The following EPHA3 variants were observed in gnomAD, a reference collection of about 807,000 sequenced individuals.
EPHA3 encodes EPH receptor A3, also known as ephrin type-A receptor 3.
A neutral mutation model predicts 107.1 loss-of-function variants in EPHA3; 42 were observed. That is an observed-to-expected ratio of 0.39 (90% CI 0.31 to 0.51). EPHA3 has a LOEUF of 0.51. EPHA3 is among the 20% of genes least tolerant of loss of function. EPHA3 has a pLI of 0.78. For missense variants in EPHA3, 1,183 were observed against 1,211.2 expected (o/e 0.98, Z 0.35); for synonymous variants, 461 against 424.8 (o/e 1.09, Z -1.05).
chr3:89,407,792 A>T (rs1350485947), intron 8 of EPHA3, among the ~76,000 whole-genome samples: 3 of 152,100 alleles, frequency 2.0e-5, no homozygotes, highest in African/African-American at 4.8e-5. Flanking sequence ...AAAAAATACT[A>T]TAAACACATT....
intron 3 of EPHA3, among the ~76,000 whole-genome samples, chr3:89,242,666 T>C (rs1300729333): frequency 2.0e-5 from 3 of 152,116 alleles, no homozygotes; most frequent in Non-Finnish European, 2.9e-5. Flanking sequence ...CTCGATCTCC[T>C]GACCTTGTGA....
chr3:89,450,804 G>A (rs979364002), intron 15 of EPHA3, among the ~76,000 whole-genome samples: 2 of 152,114 alleles, frequency 1.3e-5, no homozygotes, highest in African/African-American at 4.8e-5. Context: ...CTACTCGGGA[G>A]GCTGAGGCAG....
chr3:89,316,388 T>C (rs1706899539), intron 3 of EPHA3, among the ~76,000 whole-genome samples: 1 of 151,064 alleles, frequency 6.6e-6, no homozygotes, highest in African/African-American at 2.4e-5. Flanking sequence ...CACTGCGCAT[T>C]AGTTTCTATC....
chr3:89,444,930 G>C (rs1396108031), intron 13 of EPHA3, among the ~76,000 whole-genome samples: 1 of 152,018 alleles, frequency 6.6e-6, no homozygotes, highest in Non-Finnish European at 1.5e-5. Flanking sequence ...TAATGAAAAG[G>C]CTAAATGTTT....
intron 2 of EPHA3, among the ~76,000 whole-genome samples, chr3:89,133,554 T>G (rs988764334): frequency 2.6e-5 from 4 of 152,284 alleles, no homozygotes; most frequent in Middle Eastern, 3.4e-3. Context: ...CAAAAGGTTC[T>G]GGAGATGCTT....
intron 2 of EPHA3, among the ~76,000 whole-genome samples, chr3:89,191,432 G>A (rs1162482803): frequency 1.3e-5 from 2 of 151,516 alleles, no homozygotes; most frequent in African/African-American, 2.4e-5. Flanking sequence ...TCAGCCTCCC[G>A]AGTAGCTGGG....
chr3:89,166,111 C>G (rs1453414754), intron 2 of EPHA3, among the ~76,000 whole-genome samples: 1 of 152,192 alleles, frequency 6.6e-6, no homozygotes, highest in Admixed American at 6.5e-5. Flanking sequence ...AGATCTCTGT[C>G]TTAGCACCCT....
chr3:89,386,057 T>C (rs1467886896), intron 5 of EPHA3, among the ~76,000 whole-genome samples: 1 of 152,166 alleles, frequency 6.6e-6, no homozygotes, highest in Non-Finnish European at 1.5e-5. Flanking sequence ...TTAAGGTATC[T>C]GGTGGAACAA....
intron 15 of EPHA3, among the ~76,000 whole-genome samples, chr3:89,470,466 C>T (rs1710377066): frequency 6.6e-6 from 1 of 152,138 alleles, no homozygotes; most frequent in African/African-American, 2.4e-5. Context: ...AAGTGCTTCC[C>T]ACATATGCTC....
chr3:89,401,587 A>G (rs1708963792), intron 7 of EPHA3, among the ~76,000 whole-genome samples: 1 of 152,170 alleles, frequency 6.6e-6, no homozygotes, highest in Non-Finnish European at 1.5e-5. Context: ...TTTTGAAATG[A>G]TTACAGATTA....
At chr3:89,320,509 ATCT>A (rs1303938076) in intron 3 of EPHA3, among the ~76,000 whole-genome samples, 3 of 152,032 alleles carry the variant, frequency 2.0e-5, no homozygotes, top group African/African-American at 7.2e-5. Flanking sequence ...ATCTTGTGTC[ATCT>A]TCTAATCCTG....
rs75104429 is a variant in EPHA3 at position 89,183,285 on chromosome 3, C to T, written c.154-26575C>T. On this transcript the variant is annotated intron_variant, in intron 2 of 16. Transcript: ENST00000336596. ...TGGACTGCACAAGGATGGATGACTT[C>T]CTAATCTCTTCCCACTGTCTCACAT... is the stretch of plus-strand genomic sequence containing the variant. 2.4e-4 allele frequency among the ~76,000 whole-genome samples: 37 copies of T among 152,014 alleles called. No individual in the cohort carries two copies. In the East Asian group the frequency reaches 7.2e-3, roughly 29 times the overall value.
chr3:89,320,318 T>C (rs148826283), intron 3 of EPHA3, among the ~76,000 whole-genome samples: 3 of 152,130 alleles, frequency 2.0e-5, no homozygotes. Context: ...TGGGTCAGAA[T>C]AGTGTTCATC....
chr3:89,437,218 T>G (rs1207658043), intron 13 of EPHA3, among the ~76,000 whole-genome samples: 38 of 152,262 alleles, frequency 2.5e-4, no homozygotes, highest in Non-Finnish European at 8.8e-5. Context: ...AAATGAATAT[T>G]TTTGCCGTTA....
chr3:89,390,630 G>A (rs1024910442), intron 5 of EPHA3, among the ~76,000 whole-genome samples: 2 of 148,968 alleles, frequency 1.3e-5, no homozygotes, highest in African/African-American at 4.9e-5. Flanking sequence ...GTGGTACTTT[G>A]CATCTCTCCG....
chr3:89,280,351 G>C (rs1364956217), intron 3 of EPHA3, among the ~76,000 whole-genome samples: 1 of 152,058 alleles, frequency 6.6e-6, no homozygotes, highest in African/African-American at 2.4e-5. Context: ...GAGTATCTCA[G>C]AGTTAATAGT....
intron 2 of EPHA3, among the ~76,000 whole-genome samples, chr3:89,129,482 G>A (rs1704156852): frequency 6.6e-6 from 1 of 151,858 alleles, no homozygotes; most frequent in African/African-American, 2.4e-5. Context: ...AAAATCAAAT[G>A]ATGTGAATTA....
chr3:89,212,872 T>C (rs895748550), intron 3 of EPHA3, among the ~76,000 whole-genome samples: 1 of 152,038 alleles, frequency 6.6e-6, no homozygotes, highest in Non-Finnish European at 1.5e-5. Context: ...CTTCTTCTTT[T>C]ACATTAGCAG....
At position 89,480,603 on chromosome 3, in the gene EPHA3, T is replaced by C. The variant is rs1329402065; in HGVS notation, c.*1101T>C. On this transcript the variant is annotated 3_prime_UTR_variant, in exon 17 of 17. Transcript: ENST00000336596. ...CTGCACTAATTGACAACACAGCCTA[T>C]AGGCCAATGCATGAGTAAAAAAAAA... is the stretch of plus-strand genomic sequence containing the variant. 8.7e-6 allele frequency: 2 copies of C among 230,670 alleles called. No homozygotes were observed. Among genetic ancestry groups the C allele is most frequent in the East Asian group, 1.2e-4 (2 of 16,394 alleles). 14.3% of individuals were successfully genotyped at this position (230,670 alleles called of 1,614,324 possible). A position where few individuals can be genotyped will look rare whatever the true frequency, so the allele number is the denominator to read the frequency against.
Sources: allele counts gnomAD v4.1 joint callset (sites outside exome capture counted in the v4.1 genomes callset), GRCh38; gene constraint gnomAD v4.1.1; transcripts MANE v1.5; gene names NCBI Gene and HGNC (gene_info 2026-07-23, HGNC 2026-07-21).